NOVA1: variants seen among roughly 807,000 people sequenced by gnomAD.
NOVA1 encodes RNA-binding protein Nova-1.
In NOVA1, 7 loss-of-function variants were observed where a neutral mutation model predicts 38.0. The observed-to-expected ratio is 0.18, with a 90% CI of 0.10 to 0.35. The LOEUF (loss-of-function observed/expected upper bound fraction) is 0.35. NOVA1 is among the 10% of genes least tolerant of loss of function. The pLI, the probability that NOVA1 is intolerant of heterozygous loss-of-function variation, is 1.00. For synonymous variants in NOVA1, 270 were observed against 232.5 expected, an observed-to-expected ratio of 1.16 and a Z score of -1.47; for missense variants, 460 against 616.0, an observed-to-expected ratio of 0.75 and a Z score of 2.68.
At chr14:26,555,090 A>G (rs1006087311) in intron 2 of NOVA1, among the ~76,000 whole-genome samples, 33 of 152,100 alleles carry the variant, frequency 2.2e-4, no homozygotes, top group Non-Finnish European at 7.4e-5. Context: ...AAGAAAGAAA[A>G]AAGAGTTTAG....
intron 4 of NOVA1, among the ~76,000 whole-genome samples, chr14:26,454,450 T>G (rs1239839782): frequency 1.3e-5 from 2 of 152,140 alleles, no homozygotes; most frequent in African/African-American, 4.8e-5. Context: ...AGTGGCTATC[T>G]TACCACTATT....
At chr14:26,488,597 G>A (rs984133272) in intron 2 of NOVA1, among the ~76,000 whole-genome samples, 6 of 151,962 alleles carry the variant, frequency 3.9e-5, no homozygotes, top group African/African-American at 1.5e-4. Context: ...AGATGATGAC[G>A]ATTCATTCAT....
Position 26,448,386 on chromosome 14 carries a change from G to C in NOVA1, c.1097C>G (p.Ala366Gly). The change falls in exon 5 of 5, where the codon GCC becomes GGC. Residue 366 changes from alanine to glycine, a missense_variant. Transcript: ENST00000539517. The surrounding 1 kb of genome is among the most constrained non-coding windows in gnomAD (Gnocchi z 5.3). ...GCTGCCACTGGCTGAGGCTTCACTGGCATAGGTGGCCAATAAATTGGCTGC... is the reference window on the plus strand; with the variant it reads ...GCTGCCACTGGCTGAGGCTTCACTGCCATAGGTGGCCAATAAATTGGCTGC... ...AAAANLLATY[A>G]SEASASGSTA... 6.2e-7 allele frequency: 1 copy of C among 1,613,338 alleles called. No individual in the cohort carries two copies. The highest frequency in any genetic ancestry group is 8.5e-7 in the Non-Finnish European group (1 of 1,179,900).
At chr14:26,472,043 T>C (rs1011164490) in intron 4 of NOVA1, 1 of 412,818 alleles carries the variant, frequency 2.4e-6, no homozygotes, top group Non-Finnish European at 4.3e-6. Flanking sequence ...ATTCAATAAA[T>C]AGGCTTCAGT....
At chr14:26,554,878 C>T (rs1481308766) in intron 2 of NOVA1, among the ~76,000 whole-genome samples, 1 of 152,078 alleles carries the variant, frequency 6.6e-6, no homozygotes, top group Non-Finnish European at 1.5e-5. Context: ...GATTTCTTAG[C>T]GTTTTCCTTG....
intron 2 of NOVA1, among the ~76,000 whole-genome samples, chr14:26,591,366 A>G (rs1381729375): frequency 6.6e-6 from 1 of 151,694 alleles, no homozygotes; most frequent in Non-Finnish European, 1.5e-5. Flanking sequence ...TCCAAAGTAT[A>G]ACCTAGTGTA....
intron 2 of NOVA1, among the ~76,000 whole-genome samples, chr14:26,551,971 C>A (rs2138645445): frequency 6.6e-6 from 1 of 152,098 alleles, no homozygotes; most frequent in East Asian, 1.9e-4. Flanking sequence ...CTTAAATACT[C>A]ATTTATAAAA....
At chr14:26,491,442 T>A (rs147749714) in intron 2 of NOVA1, among the ~76,000 whole-genome samples, 1 of 152,210 alleles carries the variant, frequency 6.6e-6, no homozygotes. Context: ...TGTCCTTTGA[T>A]GCACAGAAGT....
chr14:26,473,868 T>C (rs1362490077), intron 3 of NOVA1, among the ~76,000 whole-genome samples: 1 of 152,000 alleles, frequency 6.6e-6, no homozygotes, highest in African/African-American at 2.4e-5. Flanking sequence ...CTCAAAATTC[T>C]AAAAAAGTTT....
At chr14:26,466,923 T>C (rs1484133891) in intron 4 of NOVA1, among the ~76,000 whole-genome samples, 1 of 152,182 alleles carries the variant, frequency 6.6e-6, no homozygotes, top group Non-Finnish European at 1.5e-5. Context: ...CTTCCCAGCC[T>C]TCAGAGCTGT....
At chr14:26,480,485 T>C (rs1178912323) in intron 2 of NOVA1, among the ~76,000 whole-genome samples, 2 of 152,046 alleles carry the variant, frequency 1.3e-5, no homozygotes, top group African/African-American at 4.8e-5. Flanking sequence ...TAAAGATCTA[T>C]AAACCCAGTT....
intron 4 of NOVA1, among the ~76,000 whole-genome samples, chr14:26,455,039 T>C (rs1883045232): frequency 1.3e-5 from 2 of 152,138 alleles, no homozygotes; most frequent in Non-Finnish European, 2.9e-5. Context: ...ATAAAATATG[T>C]ACAACAGATT....
intron 4 of NOVA1, among the ~76,000 whole-genome samples, chr14:26,462,067 C>CA (rs1303454971): frequency 6.6e-6 from 1 of 151,854 alleles, no homozygotes; most frequent in Non-Finnish European, 1.5e-5. Context: ...TTATTATTGA[C>CA]AAAAAGATTT....
chr14:26,539,142 T>G (rs1337773977), intron 2 of NOVA1, among the ~76,000 whole-genome samples: 1 of 152,144 alleles, frequency 6.6e-6, no homozygotes, highest in Admixed American at 6.5e-5. Context: ...CCTCTTCTTT[T>G]ACAAGAATAC....
chr14:26,547,235 A>G (rs1001014815), intron 2 of NOVA1, among the ~76,000 whole-genome samples: 9 of 152,228 alleles, frequency 5.9e-5, no homozygotes, highest in African/African-American at 2.2e-4. Flanking sequence ...CTGGCCTTTC[A>G]CAGTATGAGG....
chr14:26,491,006 C>T (rs1382285235), intron 2 of NOVA1, among the ~76,000 whole-genome samples: 2 of 151,916 alleles, frequency 1.3e-5, no homozygotes, highest in African/African-American at 2.4e-5. Flanking sequence ...CCCGCCACCA[C>T]GCCCGGATAA....
intron 2 of NOVA1, among the ~76,000 whole-genome samples, chr14:26,487,007 CT>C (rs1478720590): frequency 1.3e-5 from 2 of 151,998 alleles, no homozygotes; most frequent in Non-Finnish European, 2.9e-5. Context: ...ATGATAATCA[CT>C]TTTCATATTG....
intron 2 of NOVA1, among the ~76,000 whole-genome samples, chr14:26,501,638 AAC>A (rs1669951286): frequency 6.6e-6 from 1 of 151,932 alleles, no homozygotes; most frequent in Non-Finnish European, 1.5e-5. Context: ...ATTTGAAAAA[AAC>A]ACAGGCATTA....
intron 4 of NOVA1, among the ~76,000 whole-genome samples, chr14:26,450,207 C>G (rs1352473691): frequency 6.6e-6 from 1 of 152,030 alleles, no homozygotes. Context: ...ATTTCATTAG[C>G]TAATTTTTAG....
Sources: gnomAD v4.1 joint callset for allele counts (sites outside exome capture counted in the v4.1 genomes callset) on GRCh38, gnomAD v4.1.1 for gene constraint, Gnocchi (gnomAD v3.1) non-coding constraint, MANE v1.5 for transcripts, NCBI Gene and HGNC (gene_info 2026-07-23, HGNC 2026-07-21) for gene names.